TGFA: variants seen among roughly 807,000 people sequenced by gnomAD.
TGFA encodes protransforming growth factor alpha.
TGFA carries 12 observed loss-of-function variants against 21.7 expected under a neutral mutation model. The observed-to-expected ratio is 0.55, with a 90% CI of 0.35 to 0.90. TGFA has a LOEUF of 0.90. Among genes scored for constraint, TGFA ranks in the 40% least tolerant of loss-of-function variants. The probability of loss-of-function intolerance (pLI) is 0.01; values close to 1 mark genes in which losing one functional copy is unlikely to be tolerated. For missense variants in TGFA, 178 were observed against 210.8 expected (o/e 0.84, Z 0.96); for synonymous variants, 79 against 88.1 (o/e 0.90, Z 0.58).
In TGFA at chr2:70,504,433, A is replaced by AATATATAT. The variant is rs200901290; in HGVS notation, c.94+10418_94+10425dup. Among the ~76,000 whole-genome samples the AATATATAT allele has an allele frequency of 9.3e-3, 581 of 62,294 alleles. 4 individuals are homozygous for AATATATAT. Among genetic ancestry groups the AATATATAT allele is most frequent in the East Asian group, 0.022 (43 of 1,952 alleles). 40.9% of individuals were successfully genotyped at this position (62,294 alleles called of 152,430 possible). Reference sequence around the variant, plus strand: ...CCAAAACCAAAAACAAAACAAAACAAATATATATATATATATATATATATA... The same window carrying AATATATAT: ...CCAAAACCAAAAACAAAACAAAACAAATATATATATATATATATATATATATATATATA... On this transcript the variant is annotated intron_variant, in intron 2 of 5. Transcript: ENST00000295400.
At chr2:70,462,532 G>C (rs1553491571) in intron 3 of TGFA, among the ~76,000 whole-genome samples, 1 of 152,214 alleles carries the variant, frequency 6.6e-6, no homozygotes, top group Non-Finnish European at 1.5e-5. Flanking sequence ...GAGAGCGCGA[G>C]CCCTATCTGG....
intron 2 of TGFA, among the ~76,000 whole-genome samples, chr2:70,471,131 A>T: frequency 7.2e-6 from 1 of 139,512 alleles, no homozygotes; most frequent in Admixed American, 7.8e-5. Context: ...ATATAACCAA[A>T]CTTCTTAAAA....
At chr2:70,454,712 A>G (rs1670171699) in intron 4 of TGFA, among the ~76,000 whole-genome samples, 1 of 152,130 alleles carries the variant, frequency 6.6e-6, no homozygotes, top group African/African-American at 2.4e-5. Flanking sequence ...CAGGAGTGAG[A>G]GCTTAGTCTC....
At chr2:70,504,163 C>T (rs1671827177) in intron 2 of TGFA, among the ~76,000 whole-genome samples, 1 of 151,730 alleles carries the variant, frequency 6.6e-6, no homozygotes, top group South Asian at 2.1e-4. Context: ...CCTGTAATCC[C>T]AACACTGGGA....
chr2:70,515,386 G>A (rs1672240037), intron 1 of TGFA, among the ~76,000 whole-genome samples: 1 of 152,142 alleles, frequency 6.6e-6, no homozygotes, highest in South Asian at 2.1e-4. Context: ...GATACCCACA[G>A]GTTGAGTGCA....
intron 2 of TGFA, among the ~76,000 whole-genome samples, chr2:70,502,449 C>T (rs1388766821): frequency 6.6e-6 from 1 of 152,202 alleles, no homozygotes; most frequent in Non-Finnish European, 1.5e-5. Context: ...AAGTGGTTCT[C>T]ATGCCTCAGC....
chr2:70,486,294 A>G (rs979300640), intron 2 of TGFA, among the ~76,000 whole-genome samples: 2 of 152,168 alleles, frequency 1.3e-5, no homozygotes, highest in East Asian at 3.9e-4. Flanking sequence ...CAAAGGCAGG[A>G]TATTTTGCCT....
At position 70,529,156 on chromosome 2, in the gene TGFA, T is replaced by C. The variant is rs535573701; in HGVS notation, c.41-14244A>G. On this transcript the variant is annotated intron_variant, in intron 1 of 5. Coordinates refer to ENST00000295400, the MANE Select transcript of TGFA (RefSeq NM_003236.4). ...TGAGGTGGAGGGGAGTGTTTTTGGT[T>C]CACCGTATTCTCATTGCCCAGAACA... Among the ~76,000 whole-genome samples the C allele has an allele frequency of 2.0e-5, 3 of 152,342 alleles. No homozygotes were observed. In the East Asian group the frequency reaches 5.8e-4, roughly 29 times the overall value.
rs781930826 is a variant in TGFA, at chr2:70,450,918, T to C, written c.476-52A>G. On this transcript the variant is annotated intron_variant, in intron 5 of 5. Coordinates refer to ENST00000295400, the MANE Select transcript of TGFA (RefSeq NM_003236.4). ...CACTGTGGGCCACACCCTGGCCACG[T>C]TGGGAAAATAAGCTTAGGAAAGAGA... The C allele has an allele frequency of 3.1e-6, 5 of 1,591,206 alleles. No homozygotes were observed. In the African/African-American group the frequency reaches 5.4e-5, roughly 17 times the overall value.
chr2:70,528,986 C>G (rs1553503300), intron 1 of TGFA, among the ~76,000 whole-genome samples: 3 of 152,180 alleles, frequency 2.0e-5, no homozygotes. Context: ...TTTAATTGTC[C>G]AGCATCCACC....
At chr2:70,491,618 T>G (rs147406124) in intron 2 of TGFA, among the ~76,000 whole-genome samples, 79 of 152,332 alleles carry the variant, frequency 5.2e-4, no homozygotes, top group African/African-American at 1.9e-3. Flanking sequence ...TCTTACCCTG[T>G]TCCCAGCCAG....
At chr2:70,480,949 T>G (rs1339168670) in intron 2 of TGFA, among the ~76,000 whole-genome samples, 2 of 152,096 alleles carry the variant, frequency 1.3e-5, no homozygotes, top group Non-Finnish European at 2.9e-5. Flanking sequence ...CTGGGCTAAG[T>G]GTAAATCAAG....
chr2:70,546,781 C>T (rs1376339783), intron 1 of TGFA, among the ~76,000 whole-genome samples: 1 of 152,098 alleles, frequency 6.6e-6, no homozygotes, highest in East Asian at 1.9e-4. Flanking sequence ...TCTTGAACTC[C>T]TGGGCTCAAG....
chr2:70,514,954 T>C (rs1553501415), intron 1 of TGFA, 42 bp from the exon 2 acceptor site: 2 of 1,591,602 alleles, frequency 1.3e-6, no homozygotes, highest in South Asian at 2.2e-5. Flanking sequence ...AGAGTCTGCT[T>C]GGCAAATGAT....
At chr2:70,466,400 G>A (rs1337646521) in intron 2 of TGFA, among the ~76,000 whole-genome samples, 1 of 152,148 alleles carries the variant, frequency 6.6e-6, no homozygotes, top group Non-Finnish European at 1.5e-5. Context: ...CCAGCTACTT[G>A]GGAGGCTGAG....
intron 2 of TGFA, among the ~76,000 whole-genome samples, chr2:70,485,963 G>A (rs556628908): frequency 6.6e-6 from 1 of 152,112 alleles, no homozygotes; most frequent in Admixed American, 6.5e-5. Context: ...TCCTCCTCCT[G>A]GAACCGAGGA....
chr2:70,480,053 A>G (rs1671065225), intron 2 of TGFA, among the ~76,000 whole-genome samples: 1 of 141,982 alleles, frequency 7.0e-6, no homozygotes, highest in Non-Finnish European at 1.6e-5. Flanking sequence ...GCCCTATTCA[A>G]TATTTTGGGG....
intron 2 of TGFA, among the ~76,000 whole-genome samples, chr2:70,469,185 AGCCCAGACCTACTGAATCAGGATCTCTGG>A (rs1559104736): frequency 6.6e-6 from 1 of 152,142 alleles, no homozygotes; most frequent in Non-Finnish European, 1.5e-5. Flanking sequence ...ACCCCTACCC[AGCCCAGACCTACTGAATCAGGATCTCTGG>A]GGTGAGGCCC....
intron 3 of TGFA, among the ~76,000 whole-genome samples, chr2:70,465,414 T>G (rs1553492013): frequency 1.3e-5 from 2 of 152,196 alleles, no homozygotes; most frequent in Non-Finnish European, 2.9e-5. Flanking sequence ...TCAGTGGCTG[T>G]GGGCTGGGGG....
Sources: gnomAD v4.1 joint callset for allele counts (sites outside exome capture counted in the v4.1 genomes callset) on GRCh38, gnomAD v4.1.1 for gene constraint, MANE v1.5 for transcripts, NCBI Gene and HGNC (gene_info 2026-07-23, HGNC 2026-07-21) for gene names.